The following SHROOM3 variants were observed in gnomAD, a reference collection of about 807,000 sequenced individuals.
SHROOM3 encodes the protein protein Shroom3.
SHROOM3 carries 47 observed loss-of-function variants against 138.6 expected under a neutral mutation model. That is an observed-to-expected ratio of 0.34 (90% CI 0.27 to 0.43). The LOEUF (loss-of-function observed/expected upper bound fraction) is 0.43, where lower values mean the gene tolerates loss of function less well. Ranked by LOEUF, SHROOM3 falls within the 20% of genes least tolerant of loss-of-function variation. The probability of loss-of-function intolerance (pLI) is 1.00; values close to 1 mark genes in which losing one functional copy is unlikely to be tolerated. For synonymous variants in SHROOM3, 1,062 were observed against 1,063.3 expected, an observed-to-expected ratio of 1.00 and a Z score of 0.02; for missense variants, 2,491 against 2,596.5, an observed-to-expected ratio of 0.96 and a Z score of 0.88.
chr4:76,632,409 G>A (rs1386410047), intron 2 of SHROOM3, among the ~76,000 whole-genome samples: 1 of 152,202 alleles, frequency 6.6e-6, no homozygotes, highest in African/African-American at 2.4e-5. Flanking sequence ...GACAAGGAGA[G>A]AAACTCAGTA....
chr4:76,739,415 G>T lies in SHROOM3; in HGVS notation c.1242G>T (p.Arg414=). The T allele has an allele frequency of 6.2e-7, 1 of 1,614,124 alleles. No homozygotes were observed. Among genetic ancestry groups the T allele is most frequent in the Non-Finnish European group, 8.5e-7 (1 of 1,180,034 alleles). The part of the protein sequence containing the change: ...WSSLDQKRLC[R]PQANSLGSLK... ...GCCTTGATCAGAAACGGCTCTGCCG[G>T]CCTCAGGCAAACTCTTTAGGCTCCC... The change falls in exon 5 of 11, where the codon CGG becomes CGT. Residue 414 remains arginine, a synonymous_variant. Coordinates refer to ENST00000296043, the MANE Select transcript of SHROOM3 (RefSeq NM_020859.4).
intron 1 of SHROOM3, among the ~76,000 whole-genome samples, chr4:76,504,488 C>G (rs547433227): frequency 1.3e-4 from 20 of 152,208 alleles, no homozygotes; most frequent in Non-Finnish European, 2.9e-4. Context: ...CTCCTGCCTC[C>G]TTTTGATAAA....
chr4:76,634,969 T>G (rs536674840), intron 2 of SHROOM3, among the ~76,000 whole-genome samples: 1 of 152,328 alleles, frequency 6.6e-6, no homozygotes, highest in South Asian at 2.1e-4. Flanking sequence ...AGCAATAGCA[T>G]CATTGTATTT....
At chr4:76,611,877 TG>T (rs1734770268) in intron 2 of SHROOM3, among the ~76,000 whole-genome samples, 1 of 152,204 alleles carries the variant, frequency 6.6e-6, no homozygotes, top group African/African-American at 2.4e-5. Context: ...CTTCACCCAG[TG>T]TCCGGATCAT....
chr4:76,697,756 T>A (rs1427824045), intron 2 of SHROOM3, among the ~76,000 whole-genome samples: 1 of 152,258 alleles, frequency 6.6e-6, no homozygotes, highest in African/African-American at 2.4e-5. Flanking sequence ...GTAATGTTTT[T>A]AAATGTTTTG....
At position 76,740,104 on chromosome 4, in the gene SHROOM3, G is replaced by C. The variant is rs774441178; in HGVS notation, c.1931G>C (p.Arg644Thr). 1 of 1,613,788 alleles carries C rather than the reference G, an allele frequency of 6.2e-7. No individual in the cohort carries two copies. The highest frequency in any genetic ancestry group is 8.5e-7 in the Non-Finnish European group (1 of 1,180,044). The change falls in exon 5 of 11, where the codon AGA becomes ACA. Residue 644 changes from arginine (R) to threonine (T), a missense_variant. By Grantham distance (71) the Arg-to-Thr change is moderately conservative. Coordinates refer to ENST00000296043, the MANE Select transcript of SHROOM3 (RefSeq NM_020859.4). The surrounding 1 kb of genome is among the most constrained non-coding windows in gnomAD (Gnocchi z 4.0). ...HNANLWRRLE[R>T]EGLGQSLSGN... The stretch of plus-strand genomic sequence containing the variant: ...GCCAACCTCTGGAGGAGGCTGGAGA[G>C]AGAAGGCCTAGGCCAGAGCCTGTCA...
intron 1 of SHROOM3, among the ~76,000 whole-genome samples, chr4:76,461,396 C>T (rs1332342722): frequency 6.6e-6 from 1 of 152,094 alleles, no homozygotes; most frequent in Non-Finnish European, 1.5e-5. Flanking sequence ...AGATATTTGG[C>T]AATAATTTTT....
At chr4:76,689,011 C>G in intron 2 of SHROOM3, 1 of 845,160 alleles carries the variant, frequency 1.2e-6, no homozygotes, top group Non-Finnish European at 1.4e-6. Flanking sequence ...TTCATTCATG[C>G]TTCATTTGAT....
At chr4:76,495,734 T>G (rs1358741142) in intron 1 of SHROOM3, among the ~76,000 whole-genome samples, 1 of 152,184 alleles carries the variant, frequency 6.6e-6, no homozygotes, top group East Asian at 1.9e-4. Flanking sequence ...GAAGGTCTGA[T>G]GTGAGGCATG....
chr4:76,456,161 C>T (rs1156978830), intron 1 of SHROOM3, among the ~76,000 whole-genome samples: 2 of 152,218 alleles, frequency 1.3e-5, no homozygotes, highest in African/African-American at 4.8e-5. Context: ...CATGTGTCAC[C>T]ACTCCTGGCT....
intron 1 of SHROOM3, among the ~76,000 whole-genome samples, chr4:76,443,472 A>ATCCATAGACAGACTCT (rs1380665316): frequency 6.6e-6 from 1 of 152,228 alleles, no homozygotes; most frequent in Non-Finnish European, 1.5e-5. Context: ...ATCTTAACTA[A>ATCCATAGACAGACTCT]TCCATAGACA....
At position 76,435,901 on chromosome 4, in the gene SHROOM3, A is replaced by T; in HGVS notation, c.-152A>T. 1.5e-6 allele frequency: 1 copy of T among 680,366 alleles called. No individual in the cohort carries two copies. Among genetic ancestry groups the T allele is most frequent in the South Asian group, 2.2e-5 (1 of 45,458 alleles). 42.1% of individuals were successfully genotyped at this position (680,366 alleles called of 1,614,324 possible). On this transcript the variant is annotated 5_prime_UTR_variant, in exon 1 of 11. Coordinates refer to ENST00000296043, the MANE Select transcript of SHROOM3 (RefSeq NM_020859.4). ...AGCATCTTGGAGTTCAGCTTGGAAG[A>T]ACATTTTACGTATGGAAGAATTTGC... is the stretch of plus-strand genomic sequence containing the variant.
At chr4:76,735,858 AAAAAAAAAAAATATATATATAT>A (rs1456937088) in intron 4 of SHROOM3, among the ~76,000 whole-genome samples, 51 of 52,884 alleles carry the variant, frequency 9.6e-4, no homozygotes, top group South Asian at 4.2e-3. Context: ...AAAAAAAAAA[AAAAAAAAAAAATATATATATAT>A]ATATATATAT....
intron 10 of SHROOM3, among the ~76,000 whole-genome samples, chr4:76,772,447 A>G (rs1477878999): frequency 2.6e-5 from 4 of 152,100 alleles, no homozygotes; most frequent in Non-Finnish European, 5.9e-5. Flanking sequence ...GAATTCTCCA[A>G]TAATTTCTCC....
chr4:76,440,864 C>T (rs565139099), intron 1 of SHROOM3, among the ~76,000 whole-genome samples: 1 of 152,136 alleles, frequency 6.6e-6, no homozygotes, highest in South Asian at 2.1e-4. Context: ...TTGCTGGTTC[C>T]ATCTTCCACA....
chr4:76,611,251 T>C (rs1734755493), intron 2 of SHROOM3, among the ~76,000 whole-genome samples: 1 of 150,854 alleles, frequency 6.6e-6, no homozygotes, highest in African/African-American at 2.5e-5. Context: ...CCTCTCTCTG[T>C]GTCTCTCTCT....
At chr4:76,564,989 A>G (rs1733671328) in intron 2 of SHROOM3, among the ~76,000 whole-genome samples, 1 of 151,752 alleles carries the variant, frequency 6.6e-6, no homozygotes, top group Non-Finnish European at 1.5e-5. Context: ...GTGAAACCCC[A>G]TCTCTACTAA....
rs780349816 is a variant in SHROOM3 at position 76,739,564 on chromosome 4, C to A, written c.1391C>A (p.Pro464Gln). 5 of 1,614,062 alleles carry A rather than the reference C, an allele frequency of 3.1e-6. No homozygotes were observed. Among genetic ancestry groups the A allele is most frequent in the Non-Finnish European group, 4.2e-6 (5 of 1,180,032 alleles). Residue 464 changes from proline to glutamine, a missense_variant, in exon 5 of 11, where the codon CCG (proline) becomes CAG (glutamine). Physicochemically the swap from Pro to Gln is moderately conservative, Grantham distance 76. Around this residue, in one of 4 missense-constraint regions of SHROOM3, gnomAD observed 1,733 missense variants for 1,661.6 expected, o/e 1.04. Transcript: ENST00000296043. ...QKAQPGQPLL[P>Q]TSIYPVPSLE... ...GCCCAACCTGGCCAACCTCTGCTGC[C>A]GACCAGCATCTACCCGGTACCTTCC...
intron 8 of SHROOM3, chr4:76,758,558 G>T (rs1463276619): frequency 6.6e-6 from 1 of 151,976 alleles, no homozygotes; most frequent in African/African-American, 2.4e-5. Context: ...TTGGTCAGAT[G>T]CCAGAGAATC....
Sources: allele counts gnomAD v4.1 joint callset (sites outside exome capture counted in the v4.1 genomes callset), GRCh38; gene constraint gnomAD v4.1.1; regional missense constraint gnomAD v4.1.1; non-coding constraint Gnocchi (gnomAD v3.1); transcripts MANE v1.5; gene names NCBI Gene and HGNC (gene_info 2026-07-23, HGNC 2026-07-21).